The following CFAP74 variants were observed in gnomAD, a reference collection of about 807,000 sequenced individuals.
The protein encoded by CFAP74 is cilia and flagella associated protein 74.
In CFAP74, 124 loss-of-function variants were observed where a neutral mutation model predicts 188.9. The observed-to-expected ratio is 0.66, with a 90% CI of 0.57 to 0.76. The LOEUF (loss-of-function observed/expected upper bound fraction) is 0.76, where lower values mean the gene tolerates loss of function less well. CFAP74 is among the 30% of genes least tolerant of loss of function. The pLI, the probability that CFAP74 is intolerant of heterozygous loss-of-function variation, is 0.00. For synonymous variants in CFAP74, 956 were observed against 916.7 expected (o/e 1.04, Z -0.77); for missense variants, 2,198 against 2,165.2 (o/e 1.02, Z -0.30).
chr1:1,932,396 C>CA (rs374579472), intron 25 of CFAP74, among the ~76,000 whole-genome samples: 1,186 of 98,064 alleles, frequency 0.012, 14 homozygotes, highest in African/African-American at 0.043. Context: ...GACTCTGTCT[C>CA]AAAAAAAAAA....
In CFAP74 at chr1:1,944,286, C is replaced by T. The variant is rs60364404; in HGVS notation, c.2486+45G>A. 231 of 1,521,656 alleles carry T rather than the reference C, an allele frequency of 1.5e-4. No homozygotes were observed. The African/African-American group carries it at 2.8e-3, about 19-fold the overall frequency. The allele number at this position is 1,521,656 out of a possible 1,614,324, so 94.3% of individuals were successfully genotyped here. ...TGCACAGGCAGGCAGCGGCTCACCC[C>T]GTGTGCGTGGGTCACCCCGTGTGCA... On this transcript the variant is annotated intron_variant, in intron 21 of 38. Transcript: ENST00000682832.
intron 6 of CFAP74, among the ~76,000 whole-genome samples, chr1:1,976,643 A>G (rs929012379): frequency 4.6e-5 from 7 of 151,828 alleles, no homozygotes; most frequent in Non-Finnish European, 7.4e-5. Flanking sequence ...CCCGGGTTCA[A>G]GCAATTCTCC....
chr1:1,938,648 T>C lies in CFAP74; in HGVS notation c.3011+207A>G, dbSNP rs372073019. 2.2e-3 allele frequency among the ~76,000 whole-genome samples: 332 copies of C among 152,140 alleles called. 1 individual carries two copies. Among genetic ancestry groups the C allele is most frequent in the African/African-American group, 7.4e-3 (307 of 41,484 alleles). ...ACACACACAAACACACACGTCTGAGTGGGCCCAGAACTCAAGGCTGCCTGG... is the reference window on the plus strand; with the variant it reads ...ACACACACAAACACACACGTCTGAGCGGGCCCAGAACTCAAGGCTGCCTGG... On this transcript the variant is annotated intron_variant, in intron 25 of 38. Coordinates refer to ENST00000682832, the MANE Select transcript of CFAP74 (RefSeq NM_001304360.2).
chr1:1,955,282 G>C (rs1204289274), intron 18 of CFAP74: 1 of 1,295,204 alleles, frequency 7.7e-7, no homozygotes, highest in African/African-American at 1.5e-5. Context: ...GGCATGGGGA[G>C]GGCAGGGCCC....
chr1:1,995,777 G>A lies in CFAP74; in HGVS notation c.-19-4802C>T, dbSNP rs148965266. ...ACAAAATTTAGCCGGGTGTGGTGGC[G>A]GGCACCTGTAGTCCCAGCTACTCAG... On this transcript the variant is annotated intron_variant, in intron 1 of 38. Coordinates refer to ENST00000682832, the MANE Select transcript of CFAP74 (RefSeq NM_001304360.2). 3.6e-3 allele frequency among the ~76,000 whole-genome samples: 544 copies of A among 150,490 alleles called. 5 individuals are homozygous for A. The highest frequency in any genetic ancestry group is 0.013 in the African/African-American group (527 of 41,068).
At chr1:1,949,147 T>TC (rs1654047857) in intron 18 of CFAP74, among the ~76,000 whole-genome samples, 1 of 64,608 alleles carries the variant, frequency 1.5e-5, no homozygotes, top group Non-Finnish European at 3.2e-5. Flanking sequence ...CTCCCTCCCT[T>TC]CCTTCCCCTC....
intron 12 of CFAP74, among the ~76,000 whole-genome samples, chr1:1,965,658 G>C (rs1012996383): frequency 7.5e-6 from 1 of 133,392 alleles, no homozygotes; most frequent in African/African-American, 3.9e-5. Flanking sequence ...TTCCCGGGGT[G>C]GGGGGGGCAC....
At chr1:1,940,461 T>C (rs1280820823) in intron 22 of CFAP74, 58 bp from the exon 23 acceptor site, 2 of 1,193,976 alleles carry the variant, frequency 1.7e-6, no homozygotes, top group Non-Finnish European at 2.3e-6. Context: ...GAAATGACAA[T>C]AAGACCCACT....
At chr1:1,954,945 G>A (rs764922139) in intron 18 of CFAP74, 13 of 1,198,610 alleles carry the variant, frequency 1.1e-5, no homozygotes, top group Non-Finnish European at 1.4e-5. Context: ...GCTCCCAAGT[G>A]TGCACTGGCA....
chr1:1,923,975 A>G lies in CFAP74; in HGVS notation c.4235-46T>C, dbSNP rs1465755748. ...AGTTTGGCCTTCTCCACCTGCAATC[A>G]CTGTCTGCCCTCCAAGCCTTGCTGC... On this transcript the variant is annotated intron_variant, in intron 34 of 38. Coordinates refer to ENST00000682832, the MANE Select transcript of CFAP74 (RefSeq NM_001304360.2). This position sits in a 1 kb window ranked among gnomAD's most constrained non-coding sequence, Gnocchi z 6.3. 3 of 1,570,800 alleles carry G rather than the reference A, an allele frequency of 1.9e-6. No individual in the cohort carries two copies. The highest frequency in any genetic ancestry group is 2.6e-6 in the Non-Finnish European group (3 of 1,157,126).
chr1:1,938,332 A>ACT (rs149970574), intron 25 of CFAP74, among the ~76,000 whole-genome samples: 82,058 of 150,618 alleles, frequency 0.54, 22,538 homozygotes, highest in East Asian at 0.65. Context: ...CACACAAGGC[A>ACT]CTCACACACA....
intron 25 of CFAP74, among the ~76,000 whole-genome samples, chr1:1,934,216 G>A (rs1652637166): frequency 6.6e-6 from 1 of 152,352 alleles, no homozygotes; most frequent in Non-Finnish European, 1.5e-5. Context: ...GTGTGTATGT[G>A]TGAGTGTTAG....
intron 8 of CFAP74, among the ~76,000 whole-genome samples, chr1:1,972,621 A>G (rs1179919237): frequency 2.0e-5 from 3 of 152,196 alleles, no homozygotes. Flanking sequence ...TGAGGCGGGC[A>G]GATCACCTGA....
At chr1:1,938,066 A>G (rs1402532388) in intron 25 of CFAP74, among the ~76,000 whole-genome samples, 4 of 150,720 alleles carry the variant, frequency 2.7e-5, no homozygotes, top group African/African-American at 9.8e-5. Context: ...TCAACCTTAC[A>G]CACCCAACAC....
rs563402487 is a variant in CFAP74, at chr1:1,993,839, G to A, written c.-19-2864C>T. Among the ~76,000 whole-genome samples the A allele has an allele frequency of 8.2e-3, 1,238 of 150,716 alleles. 11 individuals carry two copies. Among genetic ancestry groups the A allele is most frequent in the African/African-American group, 0.026 (1,071 of 40,892 alleles). ...CTACTAAAAATACAAAAAATTAGCC[G>A]GGCGTGGTGGCGGGCGCCTATAGTC... On this transcript the variant is annotated intron_variant, in intron 1 of 38. Transcript: ENST00000682832.
intron 9 of CFAP74, 147 bp from the exon 10 acceptor site, chr1:1,970,963 C>G (rs1558041799): frequency 1.1e-6 from 1 of 919,762 alleles, no homozygotes; most frequent in Non-Finnish European, 1.7e-6. Context: ...ATGCACACAT[C>G]ACACATGCAC....
intron 6 of CFAP74, among the ~76,000 whole-genome samples, chr1:1,977,377 C>G (rs906116371): frequency 5.3e-5 from 8 of 152,262 alleles, no homozygotes; most frequent in African/African-American, 1.9e-4. Context: ...TCTGCATATC[C>G]GTCCACAGGG....
At chr1:1,998,903 A>C (rs1344672352) in intron 1 of CFAP74, among the ~76,000 whole-genome samples, 3 of 152,042 alleles carry the variant, frequency 2.0e-5, no homozygotes, top group African/African-American at 7.2e-5. Context: ...AAATAAAATT[A>C]AAATTAAAAA....
At chr1:1,924,626 T>C (rs1204703006) in intron 33 of CFAP74, 106 bp from the exon 34 acceptor site, 1 of 1,322,430 alleles carries the variant, frequency 7.6e-7, no homozygotes, top group Admixed American at 2.6e-5. Flanking sequence ...CACACCCAAG[T>C]GGGGACCCGG....
Sources: gnomAD v4.1 joint callset for allele counts (sites outside exome capture counted in the v4.1 genomes callset) on GRCh38, gnomAD v4.1.1 for gene constraint, Gnocchi (gnomAD v3.1) non-coding constraint, MANE v1.5 for transcripts, NCBI Gene and HGNC (gene_info 2026-07-23, HGNC 2026-07-21) for gene names.